The following EPB41L2 variants were observed in gnomAD, a reference collection of about 807,000 sequenced individuals.
EPB41L2 encodes band 4.1-like protein 2.
EPB41L2 carries 43 observed loss-of-function variants against 113.0 expected under a neutral mutation model. The observed-to-expected ratio is 0.38, with a 90% CI of 0.30 to 0.49. The LOEUF (loss-of-function observed/expected upper bound fraction) is 0.49, where lower values mean the gene tolerates loss of function less well. Ranked by LOEUF, EPB41L2 falls within the 20% of genes least tolerant of loss-of-function variation. EPB41L2 has a pLI of 0.95. For synonymous variants in EPB41L2, 442 were observed against 436.7 expected, an observed-to-expected ratio of 1.01 and a Z score of -0.15; for missense variants, 1,147 against 1,223.4, an observed-to-expected ratio of 0.94 and a Z score of 0.93.
chr6:131,048,526 AC>A (rs1292121711), intron 1 of EPB41L2, among the ~76,000 whole-genome samples: 2 of 152,218 alleles, frequency 1.3e-5, no homozygotes, highest in Non-Finnish European at 2.9e-5. Flanking sequence ...TATTTGGGAG[AC>A]CAAGAAGTAC....
At chr6:131,047,978 A>C (rs1324856185) in intron 1 of EPB41L2, among the ~76,000 whole-genome samples, 2 of 152,082 alleles carry the variant, frequency 1.3e-5, no homozygotes, top group African/African-American at 4.8e-5. Context: ...GTCTCTACTA[A>C]AAATACAAAA....
chr6:130,994,746 G>A (rs112403614), intron 1 of EPB41L2, among the ~76,000 whole-genome samples: 7,433 of 152,214 alleles, frequency 0.049, 317 homozygotes, highest in African/African-American at 0.11. Context: ...CCCCAAATCA[G>A]TAAGCTCAAA....
intron 19 of EPB41L2, among the ~76,000 whole-genome samples, chr6:130,849,714 T>C (rs917313877): frequency 6.6e-6 from 1 of 152,232 alleles, no homozygotes; most frequent in Non-Finnish European, 1.5e-5. Context: ...TGTATGCATG[T>C]ATTCCAACTT....
chr6:130,905,832 G>T (rs537846805), intron 5 of EPB41L2, among the ~76,000 whole-genome samples: 1 of 152,166 alleles, frequency 6.6e-6, no homozygotes, highest in Admixed American at 6.5e-5. Flanking sequence ...TTTGTCCTTT[G>T]TCTTACCATC....
chr6:131,048,219 T>C (rs1475845499), intron 1 of EPB41L2, among the ~76,000 whole-genome samples: 1 of 150,596 alleles, frequency 6.6e-6, no homozygotes, highest in Non-Finnish European at 1.5e-5. Flanking sequence ...GCAGGATTCA[T>C]AGGAAAAAAA....
chr6:131,018,584 T>C (rs1180868122), intron 1 of EPB41L2, among the ~76,000 whole-genome samples: 2 of 152,212 alleles, frequency 1.3e-5, no homozygotes, highest in Non-Finnish European at 2.9e-5. Flanking sequence ...TTCTTTATGA[T>C]GTTCTGTGTG....
At chr6:130,850,384 G>A (rs1778432750) in intron 19 of EPB41L2, among the ~76,000 whole-genome samples, 1 of 152,114 alleles carries the variant, frequency 6.6e-6, no homozygotes, top group Admixed American at 6.5e-5. Flanking sequence ...GAAAACTGAG[G>A]GGTAATTTAA....
At chr6:131,004,653 C>T (rs886620176) in intron 1 of EPB41L2, among the ~76,000 whole-genome samples, 1 of 152,158 alleles carries the variant, frequency 6.6e-6, no homozygotes, top group Non-Finnish European at 1.5e-5. Flanking sequence ...AATCCTTACC[C>T]CCACCACTCC....
rs1166954663 is a variant in EPB41L2 at position 130,934,032 on chromosome 6, T to C, written c.706-7323A>G. On this transcript the variant is annotated intron_variant, in intron 3 of 19. Transcript: ENST00000337057. ...TTTGCACTAGCTCCAAACAACACTATGCAAATATAAAAGGCCAAGGAAAGA... is the reference window on the plus strand; with the variant it reads ...TTTGCACTAGCTCCAAACAACACTACGCAAATATAAAAGGCCAAGGAAAGA... Among the ~76,000 whole-genome samples, 4 of 152,014 alleles carry C rather than the reference T, an allele frequency of 2.6e-5. No homozygotes were observed. In the East Asian group the frequency reaches 7.7e-4, roughly 29 times the overall value.
In EPB41L2 at chr6:130,890,346, T is replaced by G; in HGVS notation, c.1608A>C (p.Ala536=). 6.2e-7 allele frequency: 1 copy of G among 1,613,922 alleles called. No homozygotes were observed. Among genetic ancestry groups the G allele is most frequent in the Non-Finnish European group, 8.5e-7 (1 of 1,179,906 alleles). The change falls in exon 11 of 20, where the codon GCA becomes GCC. Residue 536 remains alanine (A), a synonymous_variant. Coordinates refer to ENST00000337057, the MANE Select transcript of EPB41L2 (RefSeq NM_001431.4). ...RQASTLIDRP[A]PHFERTSSKR... ...TACTAGAAGTGCGCTCAAAGTGTGGTGCTGGCCTATCTATGAGGGTGCTGG... is the reference window on the plus strand; with the variant it reads ...TACTAGAAGTGCGCTCAAAGTGTGGGGCTGGCCTATCTATGAGGGTGCTGG...
At position 130,878,265 on chromosome 6, in the gene EPB41L2, C is replaced by T. The variant is rs751636978; in HGVS notation, c.1897-15G>A. ...TTATCCAGTTCCTAGCAATATGTAA[C>T]GTAACAAAGGGGGGAAAAATCCAAA... On this transcript the variant is annotated splice_polypyrimidine_tract_variant and intron_variant, in intron 13 of 19. Transcript: ENST00000337057. 5.7e-6 allele frequency: 9 copies of T among 1,583,694 alleles called. No individual in the cohort carries two copies. Among genetic ancestry groups the T allele is most frequent in the Middle Eastern group, 1.7e-4 (1 of 6,010 alleles).
intron 1 of EPB41L2, among the ~76,000 whole-genome samples, chr6:131,050,538 C>A (rs548769790): frequency 6.6e-6 from 1 of 152,304 alleles, no homozygotes; most frequent in African/African-American, 2.4e-5. Context: ...TTTCCTCAGA[C>A]CTCACAGTCA....
intron 1 of EPB41L2, among the ~76,000 whole-genome samples, chr6:131,025,527 T>C (rs1790663928): frequency 6.6e-6 from 1 of 152,212 alleles, no homozygotes; most frequent in Non-Finnish European, 1.5e-5. Context: ...CACTGGCCTA[T>C]AGTCATCTCC....
At chr6:130,943,325 A>G (rs1811552378) in intron 3 of EPB41L2, among the ~76,000 whole-genome samples, 1 of 152,252 alleles carries the variant, frequency 6.6e-6, no homozygotes, top group South Asian at 2.1e-4. Flanking sequence ...AGTAACAAAA[A>G]TGTGTCCAAA....
At chr6:131,038,594 A>G (rs1793813030) in intron 1 of EPB41L2, among the ~76,000 whole-genome samples, 1 of 152,212 alleles carries the variant, frequency 6.6e-6, no homozygotes, top group Admixed American at 6.5e-5. Flanking sequence ...ACTGAAAAGG[A>G]ATACTTTTAA....
intron 1 of EPB41L2, among the ~76,000 whole-genome samples, chr6:131,020,542 C>T (rs1789222127): frequency 6.6e-6 from 1 of 152,208 alleles, no homozygotes; most frequent in African/African-American, 2.4e-5. Flanking sequence ...ATATTCCCAT[C>T]ACTGGAGTTA....
At chr6:131,039,029 ATAAG>A (rs1793917399) in intron 1 of EPB41L2, among the ~76,000 whole-genome samples, 1 of 151,908 alleles carries the variant, frequency 6.6e-6, no homozygotes, top group African/African-American at 2.4e-5. Context: ...GAAACATGAT[ATAAG>A]TATTATGTTA....
intron 19 of EPB41L2, among the ~76,000 whole-genome samples, chr6:130,855,721 A>G (rs1032715025): frequency 1.3e-5 from 2 of 152,226 alleles, no homozygotes; most frequent in African/African-American, 4.8e-5. Context: ...AGGCAATATT[A>G]AAAAGATGTA....
chr6:130,865,693 G>A, intron 16 of EPB41L2, 59 bp from the exon 17 acceptor site: 1 of 1,539,674 alleles, frequency 6.5e-7, no homozygotes, highest in South Asian at 1.1e-5. Flanking sequence ...TGTTGTCAGA[G>A]AAGATCCCCG....
Sources: allele counts gnomAD v4.1 joint callset (sites outside exome capture counted in the v4.1 genomes callset), GRCh38; gene constraint gnomAD v4.1.1; transcripts MANE v1.5; gene names NCBI Gene and HGNC (gene_info 2026-07-23, HGNC 2026-07-21).